CD55: variants seen among roughly 807,000 people sequenced by gnomAD.
CD55 encodes complement decay-accelerating factor.
A neutral mutation model predicts 45.8 loss-of-function variants in CD55; 41 were observed. The ratio of observed to expected loss-of-function variants is 0.90; its 90% confidence interval spans 0.70 to 1.16. The LOEUF is 1.16. Among genes scored for constraint, CD55 ranks in the 50% most tolerant of loss-of-function variants. CD55 has a pLI of 0.00. For synonymous variants in CD55, 181 were observed against 181.1 expected (o/e 1.00, Z 0.01); for missense variants, 416 against 469.8 (o/e 0.89, Z 1.06).
chr1:207,359,585 T>C lies in CD55; in HGVS notation c.1121T>C (p.Leu374Pro), dbSNP rs748563175. Reference protein sequence around the residue: ...CFTLTGLLGTLVTMGLLT With the variant: ...CFTLTGLLGTPVTMGLLT Reference sequence around the variant, plus strand: ...ACGTTGACAGGTTTGCTTGGGACGCTAGTAACCATGGGCTTGCTGACTTAG... The same window carrying C: ...ACGTTGACAGGTTTGCTTGGGACGCCAGTAACCATGGGCTTGCTGACTTAG... The change falls in exon 10 of 10, where the codon CTA (leucine) becomes CCA (proline). Residue 374 changes from leucine to proline, a missense_variant. Leu to Pro is a moderately conservative substitution (Grantham distance 98, BLOSUM62 -3). This residue lies in a region of CD55 where 182 missense variants were observed against 201.4 expected (regional missense o/e 0.90). Coordinates refer to ENST00000367064, the MANE Select transcript of CD55 (RefSeq NM_000574.5). 5.6e-6 allele frequency: 9 copies of C among 1,596,594 alleles called. No homozygotes were observed. The highest frequency in any genetic ancestry group is 2.3e-5 in the South Asian group (2 of 88,426).
chr1:207,355,999 A>G (rs1321991446), intron 9 of CD55, among the ~76,000 whole-genome samples: 1 of 152,242 alleles, frequency 6.6e-6, no homozygotes, highest in Admixed American at 6.5e-5. Context: ...AATTTGTGAC[A>G]TAAGGAAGCC....
intron 6 of CD55, 49 bp from the exon 7 acceptor site, chr1:207,336,644 G>A (rs1655182566): frequency 4.4e-6 from 7 of 1,603,680 alleles, no homozygotes; most frequent in Non-Finnish European, 6.0e-6. Flanking sequence ...GAATGTTAAT[G>A]TGGCCAGCAA....
chr1:207,340,849 TTA>T (rs1421033201), intron 9 of CD55: 1 of 383,378 alleles, frequency 2.6e-6, no homozygotes, highest in Admixed American at 4.5e-5. Flanking sequence ...TTATATTTTT[TTA>T]TGTTTTCAGG....
chr1:207,325,369 T>A (rs1337277841), intron 3 of CD55, among the ~76,000 whole-genome samples: 2 of 149,386 alleles, frequency 1.3e-5, no homozygotes, highest in African/African-American at 2.5e-5. Flanking sequence ...GGATAAGAAA[T>A]ATCAATGGTT....
chr1:207,340,085 A>G (rs1285580648), intron 9 of CD55, among the ~76,000 whole-genome samples: 1 of 152,168 alleles, frequency 6.6e-6, no homozygotes, highest in Non-Finnish European at 1.5e-5. Context: ...TTGTATGTTT[A>G]TACCCATCGG....
chr1:207,331,748 C>T (rs1015613622), intron 6 of CD55, among the ~76,000 whole-genome samples: 4 of 152,160 alleles, frequency 2.6e-5, no homozygotes, highest in African/African-American at 7.2e-5. Flanking sequence ...TTCTTTTCTG[C>T]CTCCAGAATT....
chr1:207,352,151 G>A (rs1395166051), intron 9 of CD55, among the ~76,000 whole-genome samples: 2 of 151,468 alleles, frequency 1.3e-5, no homozygotes, highest in Non-Finnish European at 2.9e-5. Flanking sequence ...TAATGTTACA[G>A]AACTTTCTAA....
chr1:207,323,249 GGAGAGATATATATATATA>G (rs1400516437), intron 2 of CD55, among the ~76,000 whole-genome samples: 1 of 149,582 alleles, frequency 6.7e-6, no homozygotes, highest in Admixed American at 6.7e-5. Flanking sequence ...ATATATATAG[GGAGAGATATATATATATA>G]GGGAGATATA....
At chr1:207,348,854 A>G (rs1655752705) in intron 9 of CD55, among the ~76,000 whole-genome samples, 1 of 152,120 alleles carries the variant, frequency 6.6e-6, no homozygotes, top group Non-Finnish European at 1.5e-5. Flanking sequence ...TGTCGACTTC[A>G]TTGAAGATCA....
chr1:207,335,836 G>A (rs1301832003), intron 6 of CD55, among the ~76,000 whole-genome samples: 2 of 152,142 alleles, frequency 1.3e-5, no homozygotes, highest in Non-Finnish European at 2.9e-5. Flanking sequence ...CAGACACTGT[G>A]AAATAGCTTA....
intron 9 of CD55, among the ~76,000 whole-genome samples, chr1:207,352,304 AT>A (rs373946947): frequency 0.014 from 2,075 of 150,586 alleles, 26 homozygotes; most frequent in Non-Finnish European, 0.024. Flanking sequence ...CTTTTTAGAC[AT>A]TTTTTTTTGA....
At chr1:207,358,685 T>C (rs1036760251) in intron 9 of CD55, 10 of 152,220 alleles carry the variant, frequency 6.6e-5, no homozygotes, top group Non-Finnish European at 1.3e-4. Context: ...TACCCTTGGC[T>C]AGGGGGTTCT....
At chr1:207,338,901 T>A (rs563741360) in intron 8 of CD55, among the ~76,000 whole-genome samples, 1 of 152,304 alleles carries the variant, frequency 6.6e-6, no homozygotes, top group South Asian at 2.1e-4. Flanking sequence ...TTTATTGTTA[T>A]AAATATGCTT....
At chr1:207,339,693 G>A (rs764478978) in intron 9 of CD55, among the ~76,000 whole-genome samples, 8 of 151,920 alleles carry the variant, frequency 5.3e-5, no homozygotes, top group Non-Finnish European at 7.4e-5. Context: ...CCCAGACATC[G>A]TATCATTTCC....
intron 8 of CD55, among the ~76,000 whole-genome samples, 155 bp from the exon 9 acceptor site, chr1:207,339,242 A>G (rs1334695356): frequency 6.7e-6 from 1 of 148,322 alleles, no homozygotes; most frequent in African/African-American, 2.5e-5. Context: ...TTAATGTGTA[A>G]TTGTTTTTAT....
At chr1:207,322,296 C>T (rs761868192) in intron 1 of CD55, 86 bp from the exon 2 acceptor site, 4 of 1,069,262 alleles carry the variant, frequency 3.7e-6, no homozygotes, top group Non-Finnish European at 5.8e-6. Context: ...TCAGGTGTGG[C>T]ATTTCAAGGG....
At position 207,339,405 on chromosome 1, in the gene CD55, C is replaced by T. The variant is rs778188153; in HGVS notation, c.1069C>T (p.Arg357Cys). Residue 357 changes from arginine to cysteine, a missense_variant, in exon 9 of 10, where the codon CGT (arginine) becomes TGT (cysteine). By Grantham distance (180) the Arg-to-Cys change is radical (BLOSUM62 -3). Transcript: ENST00000367064. The part of the protein sequence containing the change: ...KGSGTTSGTT[R>C]LLSGHTCFTL... ...TTCCCCTTCGTCTGTAGGTACTACC[C>T]GTCTTCTATCTGGTAAGTTTGGCTC... The T allele has an allele frequency of 4.0e-5, 65 of 1,605,198 alleles. No individual in the cohort carries two copies. The highest frequency in any genetic ancestry group is 5.6e-5 in the South Asian group (5 of 89,440).
At chr1:207,349,469 C>T (rs1353809925) in intron 9 of CD55, among the ~76,000 whole-genome samples, 2 of 151,944 alleles carry the variant, frequency 1.3e-5, no homozygotes, top group African/African-American at 2.4e-5. Context: ...AGGCATGAGC[C>T]ACCATGCCCG....
At chr1:207,341,454 G>A (rs1277209770) in intron 9 of CD55, among the ~76,000 whole-genome samples, 1 of 152,044 alleles carries the variant, frequency 6.6e-6, no homozygotes, top group Non-Finnish European at 1.5e-5. Context: ...ATGGTGAGGG[G>A]CAGAGGTCCA....
Sources: allele counts gnomAD v4.1 joint callset (sites outside exome capture counted in the v4.1 genomes callset), GRCh38; gene constraint gnomAD v4.1.1; regional missense constraint gnomAD v4.1.1; transcripts MANE v1.5; gene names NCBI Gene and HGNC (gene_info 2026-07-23, HGNC 2026-07-21).